Variants in FSTL4 observed in about 807,000 individuals in gnomAD.
FSTL4 encodes follistatin like 4, also known as follistatin-related protein 4.
A neutral mutation model predicts 78.2 loss-of-function variants in FSTL4; 28 were observed. That is an observed-to-expected ratio of 0.36 (90% CI 0.27 to 0.49). The LOEUF is 0.49. Among genes scored for constraint, FSTL4 ranks in the 20% least tolerant of loss-of-function variants. The pLI is 0.98. For synonymous variants in FSTL4, 422 were observed against 440.5 expected (o/e 0.96, Z 0.53); for missense variants, 922 against 1,084.9 (o/e 0.85, Z 2.11).
chr5:133,532,366 T>C (rs1398446396), intron 3 of FSTL4, among the ~76,000 whole-genome samples: 1 of 152,252 alleles, frequency 6.6e-6, no homozygotes, highest in East Asian at 1.9e-4. Context: ...CCCTCCATGC[T>C]GTGTATTTTC....
chr5:133,657,556 G>A, the FSTL4 span, among the ~76,000 whole-genome samples: 1,337 of 152,148 alleles, frequency 8.8e-3, 10 homozygotes, highest in Middle Eastern at 0.034. Flanking sequence ...CTAGTTCCCT[G>A]TTTCCATATC....
At chr5:133,591,161 G>A (rs550666508) in intron 2 of FSTL4, among the ~76,000 whole-genome samples, 1 of 152,294 alleles carries the variant, frequency 6.6e-6, no homozygotes, top group Non-Finnish European at 1.5e-5. Context: ...GGCCAAGCCT[G>A]TTTTACAGCC....
chr5:133,794,841 G>T, the FSTL4 span, among the ~76,000 whole-genome samples: 5 of 151,694 alleles, frequency 3.3e-5, no homozygotes, highest in African/African-American at 9.7e-5. Flanking sequence ...GGCAGAAGAC[G>T]GGGGGAAGAT....
intron 4 of FSTL4, among the ~76,000 whole-genome samples, chr5:133,388,921 A>C (rs1050843286): frequency 2.0e-5 from 3 of 152,090 alleles, no homozygotes; most frequent in African/African-American, 7.2e-5. Context: ...TGGAACAACT[A>C]TGATTTCTGT....
chr5:133,701,509 A>ACACACACACACACACACAC, the FSTL4 span, among the ~76,000 whole-genome samples: 1 of 132,624 alleles, frequency 7.5e-6, no homozygotes, highest in African/African-American at 2.8e-5. Flanking sequence ...ACACACACAC[A>ACACACACACACACACACAC]CCCCACAGGC....
chr5:133,697,636 C>T, the FSTL4 span, among the ~76,000 whole-genome samples: 3 of 152,224 alleles, frequency 2.0e-5, no homozygotes, highest in Admixed American at 1.3e-4. Context: ...GAAATGGGCC[C>T]CTTCTGGTAT....
the FSTL4 span, among the ~76,000 whole-genome samples, chr5:133,650,482 G>A: frequency 5.9e-5 from 9 of 152,284 alleles, no homozygotes; most frequent in East Asian, 1.7e-3. Context: ...TTTGTGAAGA[G>A]TGAAAAGTCT....
chr5:133,779,302 G>A, the FSTL4 span, among the ~76,000 whole-genome samples: 1 of 152,130 alleles, frequency 6.6e-6, no homozygotes, highest in Non-Finnish European at 1.5e-5. Context: ...AATAAGTGAT[G>A]TGGGCCAGGC....
At chr5:133,243,208 TAGAA>T (rs1451619440) in intron 7 of FSTL4, among the ~76,000 whole-genome samples, 1 of 151,828 alleles carries the variant, frequency 6.6e-6, no homozygotes, top group Non-Finnish European at 1.5e-5. Flanking sequence ...CTGCCGACAT[TAGAA>T]AGCCCCAAAT....
At chr5:133,583,082 G>A (rs188126144) in intron 2 of FSTL4, among the ~76,000 whole-genome samples, 230 of 152,324 alleles carry the variant, frequency 1.5e-3, no homozygotes, top group Non-Finnish European at 2.8e-3. Flanking sequence ...TCCAGCAGAA[G>A]TACATGAGCT....
chr5:133,321,088 C>T (rs1301978328), intron 4 of FSTL4, among the ~76,000 whole-genome samples: 3 of 151,884 alleles, frequency 2.0e-5, no homozygotes, highest in Non-Finnish European at 4.4e-5. Context: ...CTTATCTTCA[C>T]CCCAGTCAGC....
At chr5:133,589,646 C>A (rs256243) in intron 2 of FSTL4, among the ~76,000 whole-genome samples, 68,232 of 151,918 alleles carry the variant, frequency 0.45, 15,820 homozygotes, top group East Asian at 0.61. Flanking sequence ...GGCCACCCAC[C>A]GCCCAGCCCC....
intron 12 of FSTL4, among the ~76,000 whole-genome samples, chr5:133,218,789 C>A (rs182650633): frequency 6.6e-6 from 1 of 152,222 alleles, no homozygotes; most frequent in Admixed American, 6.5e-5. Context: ...TACCCTTACT[C>A]TCTTACCAGC....
the FSTL4 span, among the ~76,000 whole-genome samples, chr5:133,705,597 G>A: frequency 1.1e-4 from 17 of 152,178 alleles, no homozygotes; most frequent in South Asian, 1.0e-3. Context: ...CACCTTGTGC[G>A]TTCCTGTGAT....
chr5:133,820,417 A>T, the FSTL4 span, among the ~76,000 whole-genome samples: 1 of 152,186 alleles, frequency 6.6e-6, no homozygotes, highest in East Asian at 1.9e-4. Context: ...CTTCCTGGTT[A>T]CAACATTGTT....
chr5:133,464,516 AG>A lies in FSTL4; in HGVS notation c.161-63531del, dbSNP rs533607052. Among the ~76,000 whole-genome samples, 839 of 152,328 alleles carry A rather than the reference AG, an allele frequency of 5.5e-3. 4 individuals are homozygous for A. The highest frequency in any genetic ancestry group is 9.6e-3 in the Non-Finnish European group (653 of 68,016). On this transcript the variant is annotated intron_variant, in intron 3 of 15. Transcript: ENST00000265342. ...CTGGTTTTACAAACACAGCATCAGCAGAGGGGCCGGCCTCGTGGGGAAAAGT... is the reference window on the plus strand; with the variant it reads ...CTGGTTTTACAAACACAGCATCAGCAAGGGGCCGGCCTCGTGGGGAAAAGT...
intron 3 of FSTL4, among the ~76,000 whole-genome samples, chr5:133,429,600 TG>T (rs113069169): frequency 0.058 from 8,815 of 152,210 alleles, 847 homozygotes; most frequent in African/African-American, 0.2. Flanking sequence ...AAAGTAGGCC[TG>T]TCCTCTTGAT....
chr5:133,753,313 T>A, the FSTL4 span, among the ~76,000 whole-genome samples: 1 of 151,948 alleles, frequency 6.6e-6, no homozygotes, highest in Admixed American at 6.6e-5. Flanking sequence ...CTGCTGAGAG[T>A]CACAAAAGCC....
At chr5:133,437,485 G>GTT (rs11401684) in intron 3 of FSTL4, among the ~76,000 whole-genome samples, 18,036 of 95,132 alleles carry the variant, frequency 0.19, 2,456 homozygotes, top group Non-Finnish European at 0.24. Flanking sequence ...GTAAATAGGT[G>GTT]TTTTTTTTTT....
Sources: gnomAD v4.1 joint callset for allele counts (sites outside exome capture counted in the v4.1 genomes callset) on GRCh38, gnomAD v4.1.1 for gene constraint, MANE v1.5 for transcripts, NCBI Gene and HGNC (gene_info 2026-07-23, HGNC 2026-07-21) for gene names.